Variants in KCNJ3 observed in about 807,000 individuals in gnomAD.
KCNJ3 encodes the protein G protein-activated inward rectifier potassium channel 1.
Under a neutral mutation model 39.2 loss-of-function variants are expected in KCNJ3, and 4 were observed. That is an observed-to-expected ratio of 0.10 (90% CI 0.05 to 0.23). The LOEUF (loss-of-function observed/expected upper bound fraction) is 0.23. Among genes scored for constraint, KCNJ3 ranks in the 10% least tolerant of loss-of-function variants. KCNJ3 has a pLI of 1.00. For synonymous variants in KCNJ3, 230 were observed against 237.4 expected, an observed-to-expected ratio of 0.97 and a Z score of 0.29; for missense variants, 276 against 634.9, an observed-to-expected ratio of 0.43 and a Z score of 6.08.
chr2:154,705,467 C>A (rs1487999853), intron 1 of KCNJ3, among the ~76,000 whole-genome samples: 1 of 152,072 alleles, frequency 6.6e-6, no homozygotes, highest in Non-Finnish European at 1.5e-5. Flanking sequence ...ACTTTTGATT[C>A]TTTTTCCACC....
At chr2:154,724,917 G>GTATATATATATATATATCTATA (rs1685325832) in intron 2 of KCNJ3, among the ~76,000 whole-genome samples, 1 of 116,316 alleles carries the variant, frequency 8.6e-6, no homozygotes, top group African/African-American at 3.5e-5. Flanking sequence ...TACATATGAG[G>GTATATATATATATATATCTATA]TATATATATA....
intron 2 of KCNJ3, among the ~76,000 whole-genome samples, chr2:154,743,151 A>G (rs1009739907): frequency 1.3e-5 from 2 of 151,852 alleles, no homozygotes; most frequent in Non-Finnish European, 2.9e-5. Context: ...TGGTCTTGAC[A>G]TCTTTGTCAA....
At chr2:154,812,172 G>A (rs538925822) in intron 2 of KCNJ3, among the ~76,000 whole-genome samples, 75 of 152,226 alleles carry the variant, frequency 4.9e-4, no homozygotes, top group African/African-American at 1.7e-3. Context: ...TGCTTACTGA[G>A]TGATTATTGT....
chr2:154,731,053 A>G (rs1364546565), intron 2 of KCNJ3, among the ~76,000 whole-genome samples: 1 of 152,190 alleles, frequency 6.6e-6, no homozygotes, highest in African/African-American at 2.4e-5. Flanking sequence ...AGAGAAGAAT[A>G]TGATTAAATG....
At chr2:154,793,947 T>G (rs187420812) in intron 2 of KCNJ3, among the ~76,000 whole-genome samples, 1 of 151,646 alleles carries the variant, frequency 6.6e-6, no homozygotes, top group Non-Finnish European at 1.5e-5. Context: ...ATATATATAT[T>G]TTTTTTTCCT....
chr2:154,799,542 A>C (rs950009189), intron 2 of KCNJ3, among the ~76,000 whole-genome samples: 1 of 152,162 alleles, frequency 6.6e-6, no homozygotes, highest in Non-Finnish European at 1.5e-5. Flanking sequence ...AGATGTTTCC[A>C]AGGCTTTGCA....
chr2:154,799,384 A>AG (rs1686772219), intron 2 of KCNJ3, among the ~76,000 whole-genome samples: 2 of 152,158 alleles, frequency 1.3e-5, no homozygotes, highest in South Asian at 2.1e-4. Flanking sequence ...TTGGCCTCCC[A>AG]AAGTGCTGGG....
At chr2:154,778,990 G>A (rs1412036729) in intron 2 of KCNJ3, among the ~76,000 whole-genome samples, 2 of 152,096 alleles carry the variant, frequency 1.3e-5, no homozygotes, top group African/African-American at 2.4e-5. Context: ...CTTCTGAGGT[G>A]CCATAGGATT....
At chr2:154,769,615 G>A (rs752743176) in intron 2 of KCNJ3, among the ~76,000 whole-genome samples, 38 of 152,120 alleles carry the variant, frequency 2.5e-4, no homozygotes, top group South Asian at 8.3e-4. Context: ...TTTTTGTGTC[G>A]ATGTTCATCA....
intron 2 of KCNJ3, among the ~76,000 whole-genome samples, chr2:154,801,534 C>CTTCTTTCT (rs753900791): frequency 4.3e-5 from 6 of 138,952 alleles, no homozygotes; most frequent in African/African-American, 1.6e-4. Flanking sequence ...TCCTTCTTTC[C>CTTCTTTCT]TTCTTTCTTT....
chr2:154,776,147 A>G (rs1686330844), intron 2 of KCNJ3, among the ~76,000 whole-genome samples: 1 of 151,852 alleles, frequency 6.6e-6, no homozygotes, highest in African/African-American at 2.4e-5. Flanking sequence ...GACTACAGGC[A>G]CACACCCCCA....
At chr2:154,718,718 C>G (rs1685219903) in intron 2 of KCNJ3, among the ~76,000 whole-genome samples, 1 of 152,140 alleles carries the variant, frequency 6.6e-6, no homozygotes, top group Non-Finnish European at 1.5e-5. Context: ...ACGTTATTTT[C>G]TGTATGGTTT....
At chr2:154,756,413 T>C (rs1444781892) in intron 2 of KCNJ3, among the ~76,000 whole-genome samples, 1 of 152,176 alleles carries the variant, frequency 6.6e-6, no homozygotes, top group Non-Finnish European at 1.5e-5. Context: ...CAGATAGATA[T>C]ATAATGTTAG....
chr2:154,830,756 T>TTA (rs991420647), intron 2 of KCNJ3, among the ~76,000 whole-genome samples: 9 of 147,682 alleles, frequency 6.1e-5, no homozygotes, highest in Middle Eastern at 3.2e-3. Context: ...ATGAGAATGA[T>TTA]TATTTTTCTC....
intron 2 of KCNJ3, among the ~76,000 whole-genome samples, chr2:154,844,267 C>T (rs1687629229): frequency 2.0e-5 from 3 of 152,200 alleles, no homozygotes; most frequent in African/African-American, 7.2e-5. Flanking sequence ...CTGGGTGTCA[C>T]CAGCGGAGGC....
At chr2:154,832,360 C>A (rs1218743145) in intron 2 of KCNJ3, among the ~76,000 whole-genome samples, 1 of 152,134 alleles carries the variant, frequency 6.6e-6, no homozygotes, top group East Asian at 1.9e-4. Flanking sequence ...CACCTCTGGC[C>A]AGTTGAAGTT....
At chr2:154,829,160 T>C (rs1574477735) in intron 2 of KCNJ3, among the ~76,000 whole-genome samples, 1 of 152,130 alleles carries the variant, frequency 6.6e-6, no homozygotes, top group Non-Finnish European at 1.5e-5. Flanking sequence ...CAGGGGTACA[T>C]GCACAGGTTT....
chr2:154,839,575 T>C (rs957451548), intron 2 of KCNJ3, among the ~76,000 whole-genome samples: 3 of 152,216 alleles, frequency 2.0e-5, no homozygotes, highest in African/African-American at 7.2e-5. Flanking sequence ...TTCCTATTTC[T>C]CCACATCCTC....
rs147068841 is a variant in KCNJ3, at chr2:154,799,524, C to A, written c.920-55203C>A. 7.6e-4 allele frequency among the ~76,000 whole-genome samples: 115 copies of A among 152,232 alleles called. 1 individual carries two copies. Among genetic ancestry groups the A allele is most frequent in the African/African-American group, 2.6e-3 (110 of 41,548 alleles). ...AGGATGGAGAAGTCAATGGTCTAAT[C>A]AACTCCAAGATGTTTCCAAGGCTTT... is the stretch of plus-strand genomic sequence containing the variant. On this transcript the variant is annotated intron_variant, in intron 2 of 2. Transcript: ENST00000295101.
Sources: allele counts gnomAD v4.1 joint callset (sites outside exome capture counted in the v4.1 genomes callset), GRCh38; gene constraint gnomAD v4.1.1; transcripts MANE v1.5; gene names NCBI Gene and HGNC (gene_info 2026-07-23, HGNC 2026-07-21).